The following NAALADL2 variants were observed in gnomAD, a reference collection of about 807,000 sequenced individuals.
NAALADL2 encodes the protein N-acetylated alpha-linked acidic dipeptidase like 2.
Under a neutral mutation model 87.2 loss-of-function variants are expected in NAALADL2, and 76 were observed. That is an observed-to-expected ratio of 0.87 (90% CI 0.72 to 1.05). The LOEUF (loss-of-function observed/expected upper bound fraction) is 1.05, where lower values mean the gene tolerates loss of function less well. Among genes scored for constraint, NAALADL2 ranks in the 50% least tolerant of loss-of-function variants. The pLI is 0.00. For missense variants in NAALADL2, 1,089 were observed against 945.8 expected, an observed-to-expected ratio of 1.15 and a Z score of -1.99; for synonymous variants, 354 against 331.0, an observed-to-expected ratio of 1.07 and a Z score of -0.75.
intron 4 of NAALADL2, among the ~76,000 whole-genome samples, chr3:175,278,074 C>T (rs1458526837): frequency 6.6e-6 from 1 of 152,076 alleles, no homozygotes; most frequent in African/African-American, 2.4e-5. Context: ...TGCAGTGAGC[C>T]GAGATCGCGC....
At chr3:175,451,802 CCTATTATTTCCTTATTTA>C (rs1473064716) in intron 6 of NAALADL2, among the ~76,000 whole-genome samples, 1 of 151,866 alleles carries the variant, frequency 6.6e-6, no homozygotes, top group Non-Finnish European at 1.5e-5. Context: ...TTCCTTATTT[CCTATTATTTCCTTATTTA>C]CAATTCTATA....
chr3:175,540,913 T>C (rs1582318120), intron 9 of NAALADL2, among the ~76,000 whole-genome samples: 1 of 152,264 alleles, frequency 6.6e-6, no homozygotes, highest in Non-Finnish European at 1.5e-5. Context: ...TCAAAGCTTA[T>C]TACAATGCAG....
intron 1 of NAALADL2, among the ~76,000 whole-genome samples, chr3:174,532,701 C>T (rs762349556): frequency 2.0e-5 from 3 of 152,076 alleles, no homozygotes; most frequent in Non-Finnish European, 4.4e-5. Flanking sequence ...AGAATTTCCA[C>T]GTTTCTTTTT....
intron 10 of NAALADL2, among the ~76,000 whole-genome samples, chr3:175,624,232 G>T (rs1007874554): frequency 1.3e-5 from 2 of 151,948 alleles, no homozygotes; most frequent in African/African-American, 4.8e-5. Context: ...GATCTTGGAA[G>T]TGGCCTCAGT....
At chr3:174,878,492 A>T (rs568806917) in intron 1 of NAALADL2, among the ~76,000 whole-genome samples, 1 of 152,112 alleles carries the variant, frequency 6.6e-6, no homozygotes, top group South Asian at 2.1e-4. Flanking sequence ...CATGTTTTGG[A>T]TTTGGCTTTT....
At chr3:175,749,346 C>A (rs1371628171) in intron 12 of NAALADL2, among the ~76,000 whole-genome samples, 1 of 152,068 alleles carries the variant, frequency 6.6e-6, no homozygotes. Context: ...TGTCTTAGTT[C>A]ATTTTGTGCT....
At chr3:175,441,960 G>A (rs1719845426) in intron 5 of NAALADL2, among the ~76,000 whole-genome samples, 1 of 151,494 alleles carries the variant, frequency 6.6e-6, no homozygotes, top group Admixed American at 6.6e-5. Flanking sequence ...TTATTTTTTT[G>A]AGATGGAGTC....
intron 11 of NAALADL2, among the ~76,000 whole-genome samples, chr3:175,651,723 C>A (rs1171339893): frequency 6.6e-6 from 1 of 152,106 alleles, no homozygotes; most frequent in Non-Finnish European, 1.5e-5. Context: ...GTTTCCTATC[C>A]ATTTCTTAGC....
intron 5 of NAALADL2, among the ~76,000 whole-genome samples, chr3:175,414,936 G>A (rs559409116): frequency 1.1e-4 from 16 of 152,288 alleles, no homozygotes; most frequent in African/African-American, 3.6e-4. Context: ...ACTATGTAGA[G>A]TAAACTTGGA....
intron 1 of NAALADL2, among the ~76,000 whole-genome samples, chr3:174,462,976 TTTAA>T (rs1212033508): frequency 1.1e-4 from 16 of 152,352 alleles, no homozygotes; most frequent in African/African-American, 3.6e-4. Context: ...ATCTCTGGGC[TTTAA>T]TTAGCCATGG....
chr3:174,822,273 C>T (rs1032771747), intron 3 of NAALADL2, among the ~76,000 whole-genome samples: 3 of 151,964 alleles, frequency 2.0e-5, no homozygotes, highest in Non-Finnish European at 2.9e-5. Flanking sequence ...GTGATAAACC[C>T]GACGGCCCCT....
At chr3:175,706,153 T>C (rs1739676302) in intron 11 of NAALADL2, among the ~76,000 whole-genome samples, 1 of 152,066 alleles carries the variant, frequency 6.6e-6, no homozygotes, top group African/African-American at 2.4e-5. Flanking sequence ...ATGGGGGATA[T>C]AGAGTTTCTT....
intron 10 of NAALADL2, among the ~76,000 whole-genome samples, chr3:175,605,594 C>A (rs1025379484): frequency 1.3e-5 from 2 of 150,496 alleles, no homozygotes; most frequent in Non-Finnish European, 2.9e-5. Context: ...CCTTCCCCAG[C>A]CTTCATTCAC....
intron 4 of NAALADL2, among the ~76,000 whole-genome samples, chr3:175,259,616 T>C (rs1182995378): frequency 6.6e-6 from 1 of 152,244 alleles, no homozygotes; most frequent in Non-Finnish European, 1.5e-5. Flanking sequence ...ATATAACTGG[T>C]TAGATAGAAT....
At chr3:175,720,908 C>A (rs1029007641) in intron 11 of NAALADL2, among the ~76,000 whole-genome samples, 1 of 152,064 alleles carries the variant, frequency 6.6e-6, no homozygotes, top group Non-Finnish European at 1.5e-5. Flanking sequence ...ACTGAAAGAA[C>A]TACTGAAGAA....
chr3:175,728,770 C>T (rs532265527), intron 11 of NAALADL2, among the ~76,000 whole-genome samples: 1 of 152,154 alleles, frequency 6.6e-6, no homozygotes, highest in Non-Finnish European at 1.5e-5. Context: ...AGACTCCCTG[C>T]AGATCACTGA....
At chr3:175,494,882 T>C (rs1297402686) in intron 9 of NAALADL2, among the ~76,000 whole-genome samples, 1 of 151,918 alleles carries the variant, frequency 6.6e-6, no homozygotes, top group African/African-American at 2.4e-5. Context: ...CAATGCATAT[T>C]GTGACTAGAA....
rs368446837 is a variant in NAALADL2 at position 174,816,801 on chromosome 3, T to G, written c.-9+79055T>G. Among the ~76,000 whole-genome samples, 32 of 152,262 alleles carry G rather than the reference T, an allele frequency of 2.1e-4. No homozygotes were observed. The East Asian group carries it at 6.2e-3, about 29-fold the overall frequency. On this transcript the variant is annotated intron_variant, in intron 3 of 3. Coordinates refer to the NAALADL2 transcript ENST00000434257. ...CCCCTAGCCCTGACAGTTACTTGCTTACATTTTATAGTATTGGTCATTGCA... is the reference window on the plus strand; with the variant it reads ...CCCCTAGCCCTGACAGTTACTTGCTGACATTTTATAGTATTGGTCATTGCA...
chr3:175,750,545 C>T (rs1315199002), intron 12 of NAALADL2, among the ~76,000 whole-genome samples: 1 of 152,012 alleles, frequency 6.6e-6, no homozygotes, highest in Non-Finnish European at 1.5e-5. Context: ...TTATCCTCTA[C>T]GATAGTGAGG....
Sources: allele counts gnomAD v4.1 joint callset (sites outside exome capture counted in the v4.1 genomes callset), GRCh38; gene constraint gnomAD v4.1.1; transcripts MANE v1.5; gene names NCBI Gene and HGNC (gene_info 2026-07-23, HGNC 2026-07-21).